PLOD3: variants seen among roughly 807,000 people sequenced by gnomAD.
The protein encoded by PLOD3 is procollagen-lysine,2-oxoglutarate 5-dioxygenase 3.
In PLOD3, 73 loss-of-function variants were observed where a neutral mutation model predicts 96.9. That is an observed-to-expected ratio of 0.75 (90% CI 0.62 to 0.92). The LOEUF is 0.92. Among genes scored for constraint, PLOD3 ranks in the 40% least tolerant of loss-of-function variants. The probability of loss-of-function intolerance (pLI) is 0.00; values close to 1 mark genes in which losing one functional copy is unlikely to be tolerated. For synonymous variants in PLOD3, 454 were observed against 413.7 expected, an observed-to-expected ratio of 1.10 and a Z score of -1.18; for missense variants, 1,004 against 1,004.3, an observed-to-expected ratio of 1.00 and a Z score of 0.00.
In PLOD3 at chr7:101,206,237, A is replaced by G; in HGVS notation, c.*44T>C. ...TCCCAGGACGGGGGCCAGGCCCCCT[A>G]AAAAGGCACAATGGCAGGGCAGGTT... On this transcript the variant is annotated 3_prime_UTR_variant, in exon 19 of 19. Transcript: ENST00000223127. 6.2e-7 allele frequency: 1 copy of G among 1,606,194 alleles called. No homozygotes were observed. Among genetic ancestry groups the G allele is most frequent in the Non-Finnish European group, 8.5e-7 (1 of 1,173,080 alleles).
chr7:101,216,485 T>C lies in PLOD3; in HGVS notation c.263A>G (p.Gln88Arg). Reference sequence around the variant, plus strand: ...TTCCTTCTTTAACCACCGGACCTTCTGTCCTCCACCAACTGTTCGAGCCAC... The same window carrying C: ...TTCCTTCTTTAACCACCGGACCTTCCGTCCTCCACCAACTGTTCGAGCCAC... ...GDVARTVGGG[Q>R]KVRWLKKEME... Residue 88 changes from glutamine (Q) to arginine (R), a missense_variant, in exon 3 of 19, where the codon CAG (glutamine) becomes CGG (arginine). Physicochemically the swap from Gln to Arg is conservative, Grantham distance 43. This residue lies in a region of PLOD3 where 690 missense variants were observed against 650.2 expected (regional missense o/e 1.06). Coordinates refer to ENST00000223127, the MANE Select transcript of PLOD3 (RefSeq NM_001084.5). The C allele has an allele frequency of 1.2e-6, 2 of 1,614,124 alleles. No homozygotes were observed. Among genetic ancestry groups the C allele is most frequent in the South Asian group, 1.1e-5 (1 of 91,088 alleles).
chr7:101,212,256 G>T lies in PLOD3; in HGVS notation c.1124C>A (p.Ala375Asp), dbSNP rs376124107. The T allele has an allele frequency of 1.2e-6, 2 of 1,612,666 alleles. No individual in the cohort carries two copies. The highest frequency in any genetic ancestry group is 1.3e-5 in the African/African-American group (1 of 75,004). ...ALSPGEARDMAMDLCRQDPEC... is the reference protein window; with the variant it reads ...ALSPGEARDMDMDLCRQDPEC... ...CTCCCCGCAAGCACCCGCTCACATGGCCATGTCCCTGGCCTCGCCTGGGCT... is the reference window on the plus strand; with the variant it reads ...CTCCCCGCAAGCACCCGCTCACATGTCCATGTCCCTGGCCTCGCCTGGGCT... The change falls in exon 10 of 19, where the codon GCC (alanine) becomes GAC (aspartate). Residue 375 changes from alanine to aspartate, a missense_variant. Physicochemically the swap from Ala to Asp is moderately radical, Grantham distance 126. This residue lies in a region of PLOD3 where 690 missense variants were observed against 650.2 expected (regional missense o/e 1.06). Transcript: ENST00000223127.
chr7:101,217,076 C>G (rs1798289522), intron 1 of PLOD3, 90 bp downstream of exon 1: 2 of 1,340,050 alleles, frequency 1.5e-6, no homozygotes, highest in Non-Finnish European at 2.0e-6. Context: ...GGCCAGACAC[C>G]TCCTCGAGCC....
intron 16 of PLOD3, 43 bp downstream of exon 16, chr7:101,208,810 C>T: frequency 7.9e-7 from 1 of 1,261,824 alleles, no homozygotes; most frequent in Non-Finnish European, 1.2e-6. Flanking sequence ...TCCTGCACCT[C>T]CTCCTCTGGG....
intron 14 of PLOD3, 78 bp from the exon 15 acceptor site, chr7:101,210,239 G>A: frequency 6.8e-7 from 1 of 1,479,612 alleles, no homozygotes; most frequent in Non-Finnish European, 9.3e-7. Flanking sequence ...CTCCCACTCA[G>A]TGTCCTGCGC....
Position 101,215,918 on chromosome 7 carries a change from G to A in PLOD3, c.605C>T (p.Pro202Leu). The A allele has an allele frequency of 6.2e-7, 1 of 1,609,806 alleles. No individual in the cohort carries two copies. The highest frequency in any genetic ancestry group is 8.5e-7 in the Non-Finnish European group (1 of 1,176,168). ...QLFYTRLYLD[P>L]GLREKLSLNL... is the part of the protein sequence containing the mutation. ...CTCTGCCTTCCCTACCCTCAGTCCT[G>A]GGTCCAGGTAGAGCCGTGTGTAGAA... The change falls in exon 5 of 19, where the codon CCA (proline) becomes CTA (leucine). Residue 202 changes from proline (P) to leucine (L), a missense_variant. Physicochemically the swap from Pro to Leu is moderately conservative, Grantham distance 98. Transcript: ENST00000223127.
At chr7:101,207,457 CT>C (rs1299132303) in intron 17 of PLOD3, 120 bp downstream of exon 17, 2 of 1,084,194 alleles carry the variant, frequency 1.8e-6, no homozygotes, top group African/African-American at 3.1e-5. Flanking sequence ...TCTCATTCCC[CT>C]GGGAACTAAA....
At position 101,211,657 on chromosome 7, in the gene PLOD3, G is replaced by A. The variant is rs149262948; in HGVS notation, c.1292C>T (p.Ala431Val). 2.5e-6 allele frequency: 4 copies of A among 1,607,234 alleles called. No homozygotes were observed. In the African/African-American group the frequency reaches 4.0e-5, roughly 16 times the overall value. Residue 431 changes from alanine to valine, a missense_variant, in exon 12 of 19, where the codon GCC becomes GTC. Coordinates refer to ENST00000223127, the MANE Select transcript of PLOD3 (RefSeq NM_001084.5). ...HGKLWSNFWG[A>V]LSPDEYYARS... ...GGCGTAGTACTCATCGGGGCTCAGG[G>A]CGCCCCAGAAGTTGGACCACAGCTT...
chr7:101,206,639 G>T, intron 18 of PLOD3, 140 bp downstream of exon 18: 1 of 1,121,404 alleles, frequency 8.9e-7, no homozygotes, highest in Non-Finnish European at 1.3e-6. Flanking sequence ...CGCCTGCCCA[G>T]AAGCGATCCA....
At chr7:101,210,289 G>A in intron 14 of PLOD3, 42 bp downstream of exon 14, 2 of 1,550,372 alleles carry the variant, frequency 1.3e-6, no homozygotes, top group Non-Finnish European at 8.9e-7. Flanking sequence ...CTTAGCACAA[G>A]GCGGGGAACC....
rs1334199059 is a variant in PLOD3 at position 101,216,607 on chromosome 7, C to A, written c.202-61G>T. 2.4e-5 allele frequency: 39 copies of A among 1,611,932 alleles called. No homozygotes were observed. In the East Asian group the frequency reaches 7.4e-4, roughly 30 times the overall value. On this transcript the variant is annotated intron_variant, in intron 2 of 18. Coordinates refer to ENST00000223127, the MANE Select transcript of PLOD3 (RefSeq NM_001084.5). ...GGGGAGTTGTGGGGGGAACTCCTGA[C>A]CAGGCTTACCGTGGGGACCTGGGCA...
At chr7:101,212,001 A>G (rs2116803476) in intron 10 of PLOD3, 51 bp from the exon 11 acceptor site, 1 of 1,289,824 alleles carries the variant, frequency 7.8e-7, no homozygotes, top group Non-Finnish European at 1.1e-6. Context: ...GGCGGTGTGG[A>G]TGGGGTAACT....
At chr7:101,214,999 C>G in intron 6 of PLOD3, 90 bp downstream of exon 6, 1 of 962,088 alleles carries the variant, frequency 1.0e-6, no homozygotes, top group Non-Finnish European at 1.7e-6. Context: ...GGGCTTGGAT[C>G]AGCCCAGCTC....
At chr7:101,210,029 G>A (rs1453615159) in intron 15 of PLOD3, 64 bp downstream of exon 15, 20 of 868,866 alleles carry the variant, frequency 2.3e-5, no homozygotes, top group Admixed American at 5.1e-5. Flanking sequence ...GAATCCAGGC[G>A]GGGGCCCCCA....
rs1158167906 is a variant in PLOD3 at position 101,216,539 on chromosome 7, C to T, written c.209G>A (p.Gly70Asp). 2 of 1,614,098 alleles carry T rather than the reference C, an allele frequency of 1.2e-6. No homozygotes were observed. Among genetic ancestry groups the T allele is most frequent in the Non-Finnish European group, 1.7e-6 (2 of 1,180,020 alleles). ...ACCCCCTCGCCACTCCTCTCCCAGG[C>T]CCAGGGTCTGTGGAGAAGATTGCCC... ...EFFNYTVRTL[G>D]LGEEWRGGDV... The change falls in exon 3 of 19, where the codon GGC (glycine) becomes GAC (aspartate). Residue 70 changes from glycine (G) to aspartate (D), a missense_variant. Coordinates refer to ENST00000223127, the MANE Select transcript of PLOD3 (RefSeq NM_001084.5).
At chr7:101,211,375 C>A in intron 12 of PLOD3, 1 of 569,834 alleles carries the variant, frequency 1.8e-6, no homozygotes, top group Non-Finnish European at 3.1e-6. Context: ...GAGATAGGCT[C>A]TTGCTACGTT....
At chr7:101,207,136 C>G (rs867024634) in intron 17 of PLOD3, among the ~76,000 whole-genome samples, 7 of 151,994 alleles carry the variant, frequency 4.6e-5, no homozygotes, top group African/African-American at 1.7e-4. Context: ...CCACCACACC[C>G]GGCTAATTTT....
At chr7:101,210,783 G>T (rs1485462710) in intron 12 of PLOD3, 110 bp from the exon 13 acceptor site, 14 of 1,197,698 alleles carry the variant, frequency 1.2e-5, no homozygotes, top group Admixed American at 3.8e-5. Context: ...TGAACATAAG[G>T]CCCCTGCATG....
chr7:101,206,570 T>A, intron 18 of PLOD3, 134 bp from the exon 19 acceptor site: 1 of 1,007,654 alleles, frequency 9.9e-7, no homozygotes, highest in East Asian at 2.6e-5. Flanking sequence ...ATGGCAGATA[T>A]GGCAGACACC....
Sources: gnomAD v4.1 joint callset for allele counts (sites outside exome capture counted in the v4.1 genomes callset) on GRCh38, gnomAD v4.1.1 for gene constraint, gnomAD v4.1.1 regional missense constraint, MANE v1.5 for transcripts, NCBI Gene and HGNC (gene_info 2026-07-23, HGNC 2026-07-21) for gene names.